The following DAB1 variants were observed in gnomAD, a reference collection of about 807,000 sequenced individuals.
DAB1 encodes the protein DAB adaptor protein 1.
DAB1 carries 15 observed loss-of-function variants against 64.6 expected under a neutral mutation model. The observed-to-expected ratio is 0.23, with a 90% CI of 0.16 to 0.36. The LOEUF is 0.36. DAB1 is among the 10% of genes least tolerant of loss of function. The probability of loss-of-function intolerance (pLI) is 1.00; values close to 1 mark genes in which losing one functional copy is unlikely to be tolerated. For synonymous variants in DAB1, 235 were observed against 251.9 expected (o/e 0.93, Z 0.64); for missense variants, 596 against 706.7 (o/e 0.84, Z 1.78).
chr1:57,898,550 C>A (rs548462569), intron 5 of DAB1, among the ~76,000 whole-genome samples: 3 of 152,040 alleles, frequency 2.0e-5, no homozygotes, highest in Non-Finnish European at 4.4e-5. Flanking sequence ...ATACCAAATA[C>A]GGAAGACTTT....
chr1:57,493,764 T>TCACACACACACACACA (rs397963642), intron 7 of DAB1, among the ~76,000 whole-genome samples: 3 of 148,140 alleles, frequency 2.0e-5, no homozygotes, highest in African/African-American at 7.4e-5. Context: ...TATTCACAGC[T>TCACACACACACACACA]CACACACACA....
chr1:58,525,804 G>T (rs902196037), intron 2 of DAB1, among the ~76,000 whole-genome samples: 1 of 152,034 alleles, frequency 6.6e-6, no homozygotes, highest in Non-Finnish European at 1.5e-5. Context: ...GAAGCTTCAG[G>T]TATCAACACT....
At chr1:57,137,848 T>C (rs1348632511) in intron 3 of DAB1, among the ~76,000 whole-genome samples, 1 of 152,162 alleles carries the variant, frequency 6.6e-6, no homozygotes, top group African/African-American at 2.4e-5. Context: ...GGAAGGCACA[T>C]TCTGTTGAGG....
At chr1:58,043,490 G>C (rs1185550181) in intron 5 of DAB1, among the ~76,000 whole-genome samples, 1 of 152,100 alleles carries the variant, frequency 6.6e-6, no homozygotes, top group Non-Finnish European at 1.5e-5. Flanking sequence ...ACTGCTTGTA[G>C]TGCTTTTTCA....
At chr1:58,230,942 C>T (rs181820444) in intron 4 of DAB1, among the ~76,000 whole-genome samples, 281 of 152,288 alleles carry the variant, frequency 1.8e-3, no homozygotes, top group African/African-American at 6.5e-3. Flanking sequence ...TTCTGAATTG[C>T]ACCTCTGCCT....
At chr1:57,034,531 C>T (rs933966334) in intron 9 of DAB1, among the ~76,000 whole-genome samples, 2 of 152,170 alleles carry the variant, frequency 1.3e-5, no homozygotes, top group East Asian at 1.9e-4. Context: ...CTCAAAAATA[C>T]AGAAATGAAT....
intron 2 of DAB1, chr1:58,527,198 AAC>A (rs1396134889): frequency 3.6e-5 from 30 of 832,356 alleles, no homozygotes; most frequent in Admixed American, 3.2e-4. Context: ...TCATTAAAAT[AAC>A]ACACGTTTAT....
chr1:58,325,811 A>T (rs1557731931), intron 4 of DAB1, among the ~76,000 whole-genome samples: 1 of 152,170 alleles, frequency 6.6e-6, no homozygotes, highest in Non-Finnish European at 1.5e-5. Context: ...CCTTTGTTTA[A>T]TTCCATTTAA....
chr1:57,266,120 G>A (rs1172280070), intron 2 of DAB1, among the ~76,000 whole-genome samples: 7 of 152,194 alleles, frequency 4.6e-5, no homozygotes, highest in African/African-American at 7.2e-5. Flanking sequence ...CACAAGGGAA[G>A]AACCGCACTG....
intron 5 of DAB1, among the ~76,000 whole-genome samples, chr1:58,023,651 A>G (rs1646846129): frequency 6.6e-6 from 1 of 152,204 alleles, no homozygotes; most frequent in African/African-American, 2.4e-5. Flanking sequence ...TAATAGAAGT[A>G]TAAGAATAAT....
At chr1:57,927,591 A>T (rs1304563004) in intron 5 of DAB1, among the ~76,000 whole-genome samples, 3 of 152,236 alleles carry the variant, frequency 2.0e-5, no homozygotes, top group African/African-American at 7.2e-5. Context: ...CTTATCTAGC[A>T]GCACTAGAAG....
At chr1:57,206,956 T>C (rs113773163) in intron 2 of DAB1, among the ~76,000 whole-genome samples, 244 of 118,878 alleles carry the variant, frequency 2.1e-3, no homozygotes, top group South Asian at 6.1e-3. Context: ...TTTCTCTTTC[T>C]TTCCTTCCTT....
chr1:57,421,209 A>T (rs1250525816), intron 1 of DAB1, among the ~76,000 whole-genome samples: 1 of 152,200 alleles, frequency 6.6e-6, no homozygotes, highest in African/African-American at 2.4e-5. Flanking sequence ...GGAGAAAATG[A>T]ACAATAAGTG....
intron 3 of DAB1, among the ~76,000 whole-genome samples, chr1:58,475,091 A>G (rs538419325): frequency 2.0e-5 from 3 of 152,348 alleles, no homozygotes; most frequent in African/African-American, 7.2e-5. Context: ...GAATGTAGAA[A>G]TTGATGGAAA....
intron 4 of DAB1, among the ~76,000 whole-genome samples, chr1:58,187,404 G>C (rs562124462): frequency 6.6e-6 from 1 of 151,326 alleles, no homozygotes; most frequent in Non-Finnish European, 1.5e-5. Flanking sequence ...TTGAGCCTCG[G>C]AGTTTAGGTT....
At chr1:58,224,627 T>A (rs981736340) in intron 4 of DAB1, among the ~76,000 whole-genome samples, 2 of 152,024 alleles carry the variant, frequency 1.3e-5, no homozygotes, top group Non-Finnish European at 2.9e-5. Context: ...TTTAACATTA[T>A]CATCTCATTT....
rs568052636 is a variant in DAB1 at position 58,397,737 on chromosome 1, C to G, written n.258-54334G>C. On this transcript the variant is annotated intron_variant and non_coding_transcript_variant, in intron 3 of 20. Coordinates refer to the DAB1 transcript ENST00000485760. ...CAGCCAGAAAGCTGGTCACCTACCC[C>G]TTTATTGCTCCCCACCACCCCGCAT... 7.9e-5 allele frequency among the ~76,000 whole-genome samples: 12 copies of G among 152,310 alleles called. No homozygotes were observed. The East Asian group carries it at 1.9e-3, about 25-fold the overall frequency.
intron 4 of DAB1, among the ~76,000 whole-genome samples, chr1:58,300,856 A>C (rs924279676): frequency 6.6e-6 from 1 of 152,088 alleles, no homozygotes; most frequent in Admixed American, 6.5e-5. Context: ...GAATGGGCTT[A>C]AATCCCGCCC....
At chr1:57,654,277 A>G (rs1211553644) in intron 6 of DAB1, among the ~76,000 whole-genome samples, 1 of 152,206 alleles carries the variant, frequency 6.6e-6, no homozygotes, top group Non-Finnish European at 1.5e-5. Flanking sequence ...CACATGTGCC[A>G]TGGAAAAACT....
Sources: gnomAD v4.1 joint callset for allele counts (sites outside exome capture counted in the v4.1 genomes callset) on GRCh38, gnomAD v4.1.1 for gene constraint, MANE v1.5 for transcripts, NCBI Gene and HGNC (gene_info 2026-07-23, HGNC 2026-07-21) for gene names.